PIGU: variants seen among roughly 807,000 people sequenced by gnomAD.
PIGU encodes the protein phosphatidylinositol glycan anchor biosynthesis class U, also known as GPI-anchor transamidase component PIGU.
Under a neutral mutation model 49.9 loss-of-function variants are expected in PIGU, and 24 were observed. The observed-to-expected ratio is 0.48, with a 90% CI of 0.35 to 0.68. PIGU has a LOEUF of 0.68. Ranked by LOEUF, PIGU falls within the 30% of genes least tolerant of loss-of-function variation. The probability of loss-of-function intolerance (pLI) is 0.01; values close to 1 mark genes in which losing one functional copy is unlikely to be tolerated. For missense variants in PIGU, 490 were observed against 532.6 expected (o/e 0.92, Z 0.79); for synonymous variants, 220 against 205.7 (o/e 1.07, Z -0.59).
intron 4 of PIGU, chr20:34,643,838 A>G (rs1227442900): frequency 6.3e-6 from 1 of 159,580 alleles, no homozygotes; most frequent in Non-Finnish European, 1.4e-5. Context: ...GTGAAAGACT[A>G]GAAGATTTTT....
intron 10 of PIGU, among the ~76,000 whole-genome samples, chr20:34,576,578 C>T (rs996750791): frequency 6.6e-6 from 1 of 152,164 alleles, no homozygotes; most frequent in Non-Finnish European, 1.5e-5. Flanking sequence ...CACATTGCAT[C>T]ACTCAGACCT....
At chr20:34,669,393 G>T (rs886869205) in intron 1 of PIGU, among the ~76,000 whole-genome samples, 1 of 152,040 alleles carries the variant, frequency 6.6e-6, no homozygotes, top group Non-Finnish European at 1.5e-5. Flanking sequence ...ACAGGCTGGT[G>T]CAGTGACTCA....
intron 1 of PIGU, among the ~76,000 whole-genome samples, chr20:34,658,489 G>A (rs1568662534): frequency 6.6e-6 from 1 of 150,872 alleles, no homozygotes; most frequent in Non-Finnish European, 1.5e-5. Flanking sequence ...CTGCCTGGCT[G>A]CCCAGTCTGG....
At chr20:34,582,750 T>G (rs1184529404) in intron 9 of PIGU, among the ~76,000 whole-genome samples, 1 of 151,996 alleles carries the variant, frequency 6.6e-6, no homozygotes. Context: ...TTCAGAGAAG[T>G]GCACTGACTG....
In PIGU at chr20:34,574,179, G is replaced by A. The variant is rs151000846; in HGVS notation, c.1194+925C>T. On this transcript the variant is annotated intron_variant, in intron 11 of 11. Coordinates refer to ENST00000217446, the MANE Select transcript of PIGU (RefSeq NM_080476.5). ...AGCCTGACCTGAGAGAAGGCAGCAC[G>A]TGGAGGAGGGAACTTCCAAGAAGCG... Among the ~76,000 whole-genome samples the A allele has an allele frequency of 2.8e-3, 420 of 152,362 alleles. 2 individuals carry two copies. The highest frequency in any genetic ancestry group is 9.5e-3 in the African/African-American group (393 of 41,582).
chr20:34,594,528 A>C (rs1984116614), intron 7 of PIGU, among the ~76,000 whole-genome samples: 1 of 152,198 alleles, frequency 6.6e-6, no homozygotes, highest in Non-Finnish European at 1.5e-5. Context: ...TTCATATAAG[A>C]AAGGCATATA....
At chr20:34,648,546 T>C (rs1333880168) in intron 2 of PIGU, among the ~76,000 whole-genome samples, 2 of 152,126 alleles carry the variant, frequency 1.3e-5, no homozygotes, top group African/African-American at 2.4e-5. Context: ...TTTTTTGTTT[T>C]TGTTTTTGGG....
intron 5 of PIGU, 110 bp downstream of exon 5, chr20:34,637,766 G>T: frequency 6.4e-7 from 1 of 1,558,214 alleles, no homozygotes; most frequent in East Asian, 2.3e-5. Flanking sequence ...GCAAATACTT[G>T]ATGACTAAGA....
chr20:34,645,853 C>T (rs945642410), intron 2 of PIGU, among the ~76,000 whole-genome samples: 2 of 152,088 alleles, frequency 1.3e-5, no homozygotes, highest in East Asian at 1.9e-4. Flanking sequence ...GCCGAGATCA[C>T]GCGACTGCAC....
intron 7 of PIGU, among the ~76,000 whole-genome samples, chr20:34,594,646 C>T (rs1383086569): frequency 2.0e-5 from 3 of 152,116 alleles, no homozygotes; most frequent in Non-Finnish European, 4.4e-5. Flanking sequence ...TGGTGGCAGG[C>T]GCCTGTAATC....
chr20:34,641,811 T>C (rs1282024338), intron 4 of PIGU, among the ~76,000 whole-genome samples: 3 of 152,192 alleles, frequency 2.0e-5, no homozygotes, highest in Non-Finnish European at 4.4e-5. Context: ...TATGTTAGTA[T>C]CATCAAAATC....
intron 11 of PIGU, among the ~76,000 whole-genome samples, chr20:34,568,794 A>G (rs930739315): frequency 6.6e-6 from 1 of 152,192 alleles, no homozygotes; most frequent in African/African-American, 2.4e-5. Context: ...AGAATGGCCA[A>G]TGCAAGGCCA....
At chr20:34,653,921 C>G (rs1315514430) in intron 2 of PIGU, among the ~76,000 whole-genome samples, 7 of 151,688 alleles carry the variant, frequency 4.6e-5, no homozygotes, top group South Asian at 2.1e-4. Flanking sequence ...GCAGTGGCAC[C>G]ATCTCGGCTC....
At chr20:34,637,045 T>C (rs1271658185) in intron 5 of PIGU, among the ~76,000 whole-genome samples, 1 of 152,078 alleles carries the variant, frequency 6.6e-6, no homozygotes. Flanking sequence ...AGTCCAAAAC[T>C]ATTTGGTGGG....
At chr20:34,665,461 C>T (rs910068352) in intron 1 of PIGU, among the ~76,000 whole-genome samples, 1 of 151,632 alleles carries the variant, frequency 6.6e-6, no homozygotes, top group African/African-American at 2.4e-5. Flanking sequence ...CCTCGGCCTC[C>T]CAAAGTGCTG....
At chr20:34,646,349 T>C (rs929771824) in intron 2 of PIGU, among the ~76,000 whole-genome samples, 6 of 152,248 alleles carry the variant, frequency 3.9e-5, no homozygotes, top group Non-Finnish European at 7.3e-5. Flanking sequence ...TTTCATTTTT[T>C]ATTGTTTAAA....
intron 9 of PIGU, among the ~76,000 whole-genome samples, chr20:34,584,502 TTC>T (rs1323126196): frequency 7.2e-6 from 1 of 138,414 alleles, no homozygotes; most frequent in African/African-American, 2.7e-5. Context: ...ACAACTCCTG[TTC>T]TTTTTTTTTT....
At chr20:34,617,385 C>T (rs1985054405) in intron 6 of PIGU, among the ~76,000 whole-genome samples, 1 of 152,194 alleles carries the variant, frequency 6.6e-6, no homozygotes, top group African/African-American at 2.4e-5. Context: ...CCATGGGAAC[C>T]CCCCTCTTAC....
chr20:34,604,164 C>T (rs962290969), intron 7 of PIGU, among the ~76,000 whole-genome samples: 2 of 152,098 alleles, frequency 1.3e-5, no homozygotes, highest in African/African-American at 4.8e-5. Context: ...AATGTTAACT[C>T]GCAGTTACAA....
Sources: allele counts gnomAD v4.1 joint callset (sites outside exome capture counted in the v4.1 genomes callset), GRCh38; gene constraint gnomAD v4.1.1; transcripts MANE v1.5; gene names NCBI Gene and HGNC (gene_info 2026-07-23, HGNC 2026-07-21).